The following MED13L variants were observed in gnomAD, a reference collection of about 807,000 sequenced individuals.
MED13L encodes the protein mediator complex subunit 13L.
A neutral mutation model predicts 220.9 loss-of-function variants in MED13L; 7 were observed. The ratio of observed to expected loss-of-function variants is 0.03; its 90% CI spans 0.02 to 0.06. The LOEUF (loss-of-function observed/expected upper bound fraction) is 0.06, where lower values mean the gene tolerates loss of function less well. MED13L is among the 10% of genes least tolerant of loss of function. The probability of loss-of-function intolerance (pLI) is 1.00; values close to 1 mark genes in which losing one functional copy is unlikely to be tolerated. For synonymous variants in MED13L, 1,011 were observed against 1,015.2 expected (o/e 1.00, Z 0.08); for missense variants, 1,965 against 2,760.5 (o/e 0.71, Z 6.46).
Position 116,271,064 on chromosome 12 carries a change from A to AAAAAG in MED13L, c.72+5995_72+5996insCTTTT, listed in dbSNP as rs1318089075. Among the ~76,000 whole-genome samples, 74 of 150,484 alleles carry AAAAAG rather than the reference A, an allele frequency of 4.9e-4. 1 individual carries two copies. The highest frequency in any genetic ancestry group is 1.7e-3 in the African/African-American group (70 of 41,096). On this transcript the variant is annotated intron_variant, in intron 1 of 30. Coordinates refer to ENST00000281928, the MANE Select transcript of MED13L (RefSeq NM_015335.5). ...TCAAAAAAAAAAAAAAAAAAAAAAA[A>AAAAAG]AAAGAAAGAAAATTATCTGAACAAG... is the stretch of plus-strand genomic sequence containing the variant.
intron 1 of MED13L, among the ~76,000 whole-genome samples, chr12:116,259,811 G>A (rs1872366947): frequency 6.6e-6 from 1 of 152,168 alleles, no homozygotes; most frequent in Admixed American, 6.5e-5. Context: ...CATGTTTTGT[G>A]TTAGACACTT....
At chr12:116,042,323 T>C (rs1023934163) in intron 4 of MED13L, among the ~76,000 whole-genome samples, 12 of 152,200 alleles carry the variant, frequency 7.9e-5, no homozygotes, top group African/African-American at 2.4e-4. Flanking sequence ...GAAACTTGAG[T>C]GTTGGAAGGG....
chr12:116,066,507 T>C (rs1869939349), intron 4 of MED13L, among the ~76,000 whole-genome samples: 1 of 152,158 alleles, frequency 6.6e-6, no homozygotes, highest in African/African-American at 2.4e-5. Flanking sequence ...TCAAACTTCA[T>C]TATTGTGCTA....
intron 2 of MED13L, among the ~76,000 whole-genome samples, chr12:116,194,273 C>G (rs1448371055): frequency 1.3e-5 from 2 of 152,124 alleles, no homozygotes; most frequent in Non-Finnish European, 2.9e-5. Context: ...TTAAGCGATT[C>G]TCCTGCCTCA....
At chr12:116,112,242 G>C (rs1874151937) in intron 2 of MED13L, among the ~76,000 whole-genome samples, 1 of 152,078 alleles carries the variant, frequency 6.6e-6, no homozygotes, top group Admixed American at 6.6e-5. Flanking sequence ...ATGTCCTAGA[G>C]AAGACAGTTA....
intron 2 of MED13L, among the ~76,000 whole-genome samples, chr12:116,220,232 C>G (rs550516668): frequency 6.6e-6 from 1 of 152,204 alleles, no homozygotes; most frequent in South Asian, 2.1e-4. Context: ...ATCATGGGAT[C>G]AATTAAAATC....
intron 3 of MED13L, among the ~76,000 whole-genome samples, chr12:116,106,977 G>A (rs991375247): frequency 6.6e-6 from 1 of 151,982 alleles, no homozygotes; most frequent in African/African-American, 2.4e-5. Context: ...CTGTTAGCTA[G>A]TATCAACAAC....
intron 4 of MED13L, among the ~76,000 whole-genome samples, chr12:116,045,086 CTATT>C (rs1189784831): frequency 3.3e-5 from 5 of 152,192 alleles, no homozygotes; most frequent in African/African-American, 1.2e-4. Flanking sequence ...CCCTCCTTCT[CTATT>C]TATTTGTTTG....
chr12:116,106,475 C>A (rs1873583311), intron 3 of MED13L, among the ~76,000 whole-genome samples: 1 of 152,158 alleles, frequency 6.6e-6, no homozygotes. Context: ...CTTTCTAATA[C>A]TAAGCACTCT....
At chr12:116,152,748 T>A (rs899009034) in intron 2 of MED13L, among the ~76,000 whole-genome samples, 3 of 152,170 alleles carry the variant, frequency 2.0e-5, no homozygotes, top group Non-Finnish European at 2.9e-5. Context: ...CCTTATTTTT[T>A]AAAAATGCAT....
chr12:115,976,900 C>T (rs1016061309), intron 23 of MED13L, among the ~76,000 whole-genome samples: 4 of 152,156 alleles, frequency 2.6e-5, no homozygotes, highest in Admixed American at 2.0e-4. Context: ...TTGGCTCATG[C>T]CTGTAATCCC....
intron 1 of MED13L, among the ~76,000 whole-genome samples, chr12:116,263,759 TCAGA>T (rs1403700133): frequency 2.6e-5 from 4 of 152,318 alleles, no homozygotes; most frequent in Admixed American, 6.5e-5. Flanking sequence ...CTCTTGCTAG[TCAGA>T]CAGAGAGAAG....
At chr12:116,040,177 G>A (rs1881441016) in intron 4 of MED13L, among the ~76,000 whole-genome samples, 1 of 152,182 alleles carries the variant, frequency 6.6e-6, no homozygotes, top group Non-Finnish European at 1.5e-5. Context: ...TTTAGTAACA[G>A]AAGCTTTCCG....
intron 2 of MED13L, among the ~76,000 whole-genome samples, chr12:116,199,412 T>C (rs557151847): frequency 2.6e-5 from 4 of 152,216 alleles, no homozygotes; most frequent in Non-Finnish European, 5.9e-5. Context: ...TTATGTCAAA[T>C]AGCTTCCTAT....
At chr12:115,986,586 T>A in intron 18 of MED13L, 97 bp from the exon 19 acceptor site, 1 of 1,116,326 alleles carries the variant, frequency 9.0e-7, no homozygotes, top group Non-Finnish European at 1.3e-6. Context: ...TTCTGGCATC[T>A]GAAATGTCAC....
Position 116,030,405 on chromosome 12 carries a change from A to G in MED13L, c.480-7804T>C, listed in dbSNP as rs142894961. 1.4e-3 allele frequency among the ~76,000 whole-genome samples: 208 copies of G among 152,324 alleles called. 1 individual carries two copies. Among genetic ancestry groups the G allele is most frequent in the African/African-American group, 4.8e-3 (200 of 41,568 alleles). ...ACAAAATATTTAAAACTGAATGACA[A>G]CAAAAGTAATACATGTCAAAATCTA... On this transcript the variant is annotated intron_variant, in intron 4 of 30. Coordinates refer to ENST00000281928, the MANE Select transcript of MED13L (RefSeq NM_015335.5).
intron 4 of MED13L, among the ~76,000 whole-genome samples, chr12:116,054,699 A>G (rs11067890): frequency 0.092 from 14,062 of 152,268 alleles, 736 homozygotes; most frequent in East Asian, 0.22. Context: ...GATTAAAAGA[A>G]AAGACAATTC....
Position 115,979,162 on chromosome 12 carries a change from GTTC to G in MED13L, c.5364+1585_5364+1587del, listed in dbSNP as rs1264204568. Among the ~76,000 whole-genome samples, 6 of 152,132 alleles carry G rather than the reference GTTC, an allele frequency of 3.9e-5. No individual in the cohort carries two copies. In the South Asian group the frequency reaches 1.2e-3, roughly 31 times the overall value. On this transcript the variant is annotated intron_variant, in intron 23 of 30. Transcript: ENST00000281928. ...CTTCAGCAAATATTTATAACATTTG[GTTC>G]TTTTGTTTTTAATAAAGTAAAATCA...
intron 2 of MED13L, among the ~76,000 whole-genome samples, chr12:116,176,903 A>C (rs1261723566): frequency 6.7e-6 from 1 of 150,314 alleles, no homozygotes; most frequent in Non-Finnish European, 1.5e-5. Context: ...AAAAAGGTAA[A>C]TTTCTTGAAT....
Sources: gnomAD v4.1 joint callset for allele counts (sites outside exome capture counted in the v4.1 genomes callset) on GRCh38, gnomAD v4.1.1 for gene constraint, MANE v1.5 for transcripts, NCBI Gene and HGNC (gene_info 2026-07-23, HGNC 2026-07-21) for gene names.